DGKB: variants seen among roughly 807,000 people sequenced by gnomAD.
The protein encoded by DGKB is diacylglycerol kinase beta, also known as 90 kDa diacylglycerol kinase.
In DGKB, 67 loss-of-function variants were observed where a neutral mutation model predicts 114.3. The ratio of observed to expected loss-of-function variants is 0.59; its 90% CI spans 0.48 to 0.72. DGKB has a LOEUF of 0.72. Ranked by LOEUF, DGKB falls within the 30% of genes least tolerant of loss-of-function variation. The probability of loss-of-function intolerance (pLI) is 0.00; values close to 1 mark genes in which losing one functional copy is unlikely to be tolerated. For synonymous variants in DGKB, 398 were observed against 323.1 expected (o/e 1.23, Z -2.49); for missense variants, 907 against 975.2 (o/e 0.93, Z 0.93).
At chr7:14,558,821 G>A (rs1167269469) in intron 20 of DGKB, among the ~76,000 whole-genome samples, 1 of 152,086 alleles carries the variant, frequency 6.6e-6, no homozygotes, top group African/African-American at 2.4e-5. Context: ...CTGCTTTCCA[G>A]TCCTTACACC....
chr7:14,883,426 C>T (rs1854545771), intron 1 of DGKB, among the ~76,000 whole-genome samples: 1 of 151,850 alleles, frequency 6.6e-6, no homozygotes, highest in Non-Finnish European at 1.5e-5. Flanking sequence ...CAAACAAATG[C>T]ACATTGTAAC....
chr7:14,927,980 A>G (rs1037232658), intron 1 of DGKB, among the ~76,000 whole-genome samples: 4 of 151,958 alleles, frequency 2.6e-5, no homozygotes, highest in African/African-American at 9.7e-5. Context: ...AAAAGGCAAG[A>G]TAGTTACTAC....
chr7:14,915,100 C>T (rs1319242235), intron 1 of DGKB, among the ~76,000 whole-genome samples: 3 of 152,170 alleles, frequency 2.0e-5, no homozygotes, highest in African/African-American at 7.2e-5. Flanking sequence ...GGCATGGTGG[C>T]TCACACCTGT....
rs60976022 is a variant in DGKB, at chr7:14,485,300, GGTGTGTGTGTGTGT to G, written c.1771-7089_1771-7076del. Among the ~76,000 whole-genome samples, 1,161 of 141,992 alleles carry G rather than the reference GGTGTGTGTGTGTGT, an allele frequency of 8.2e-3. 7 individuals carry two copies. Among genetic ancestry groups the G allele is most frequent in the Non-Finnish European group, 0.013 (844 of 65,050 alleles). 93.2% of individuals were successfully genotyped at this position (141,992 alleles called of 152,430 possible). The stretch of plus-strand genomic sequence containing the variant: ...TGTCTTTTAGAACTAATGCTCATGA[GGTGTGTGTGTGTGT>G]GTGTGTGTGTGTGTGTGTGTGATTC... On this transcript the variant is annotated intron_variant, in intron 20 of 25. Coordinates refer to ENST00000402815, the MANE Select transcript of DGKB (RefSeq NM_001350709.2).
rs576126688 is a variant in DGKB at position 14,841,949 on chromosome 7, A to G, written c.-187-499T>C. 4.7e-4 allele frequency among the ~76,000 whole-genome samples: 72 copies of G among 152,352 alleles called. No homozygotes were observed. In the South Asian group the frequency reaches 5.4e-3, roughly 11 times the overall value. On this transcript the variant is annotated intron_variant, in intron 1 of 25. Coordinates refer to ENST00000402815, the MANE Select transcript of DGKB (RefSeq NM_001350709.2). ...AAAATTCAAAAGATTGGCCAAATTA[A>G]AGCAATTCCAAATGTCTGAAAGACT...
At chr7:14,536,226 A>G (rs1792473461) in intron 20 of DGKB, among the ~76,000 whole-genome samples, 1 of 152,208 alleles carries the variant, frequency 6.6e-6, no homozygotes, top group Non-Finnish European at 1.5e-5. Flanking sequence ...AAACATTTAA[A>G]AAAGAATTAA....
chr7:14,783,268 A>T (rs1839389394), intron 2 of DGKB, among the ~76,000 whole-genome samples: 1 of 152,228 alleles, frequency 6.6e-6, no homozygotes, highest in South Asian at 2.1e-4. Context: ...GTTATTCAAA[A>T]TATGGCTCAT....
intron 13 of DGKB, among the ~76,000 whole-genome samples, chr7:14,645,351 T>A (rs1022568153): frequency 9.9e-5 from 15 of 152,146 alleles, no homozygotes; most frequent in African/African-American, 3.4e-4. Flanking sequence ...AGAGCTGTAA[T>A]GTTCCTGCTT....
At chr7:14,153,209 C>T (rs528900375) in intron 25 of DGKB, among the ~76,000 whole-genome samples, 2 of 152,028 alleles carry the variant, frequency 1.3e-5, no homozygotes, top group East Asian at 1.9e-4. Flanking sequence ...TCTTGCTTCC[C>T]TGTCTTCCAG....
chr7:14,322,479 C>G (rs972363356), intron 23 of DGKB, among the ~76,000 whole-genome samples: 1 of 152,092 alleles, frequency 6.6e-6, no homozygotes, highest in Non-Finnish European at 1.5e-5. Context: ...AAACCATGCA[C>G]AAAAATCAAT....
At chr7:14,205,727 G>A (rs996181879) in intron 23 of DGKB, among the ~76,000 whole-genome samples, 1 of 151,780 alleles carries the variant, frequency 6.6e-6, no homozygotes, top group Non-Finnish European at 1.5e-5. Context: ...GCCCCACAAG[G>A]CATTTGTGAT....
In DGKB at chr7:14,736,126, G is replaced by A. The variant is rs765853836; in HGVS notation, c.237C>T (p.Phe79=). The change falls in exon 5 of 26, where the codon TTC becomes TTT. Residue 79 remains phenylalanine, a synonymous_variant. Transcript: ENST00000402815. ...TFLEAELPDD[F]TAHLFMSFSN... ...TAAATGACATGAAAAGGTGTGCAGT[G>A]AAATCATCAGGAAGCTCGGCTTCCA... is the stretch of plus-strand genomic sequence containing the variant. The A allele has an allele frequency of 6.2e-7, 1 of 1,609,378 alleles. No homozygotes were observed. Among genetic ancestry groups the A allele is most frequent in the Non-Finnish European group, 8.5e-7 (1 of 1,176,518 alleles).
chr7:14,193,336 G>A (rs1784578535), intron 23 of DGKB, among the ~76,000 whole-genome samples: 3 of 152,034 alleles, frequency 2.0e-5, no homozygotes, highest in Admixed American at 1.3e-4. Context: ...CATGGCGCTG[G>A]CACAGAAACA....
At chr7:14,454,948 T>C (rs1778794410) in intron 21 of DGKB, among the ~76,000 whole-genome samples, 1 of 152,070 alleles carries the variant, frequency 6.6e-6, no homozygotes, top group South Asian at 2.1e-4. Flanking sequence ...CTAAATAATT[T>C]ACCCTAGGCT....
At chr7:14,852,487 C>CAAAAAAAAAAAAACAAAAAAAAAAAAAA in intron 1 of DGKB, among the ~76,000 whole-genome samples, 2 of 63,626 alleles carry the variant, frequency 3.1e-5, no homozygotes, top group Non-Finnish European at 5.9e-5. Flanking sequence ...TAGTGAAAGT[C>CAAAAAAAAAAAAACAAAAAAAAAAAAAA]AAAAAAAAAA....
intron 23 of DGKB, among the ~76,000 whole-genome samples, chr7:14,277,411 C>T (rs760708405): frequency 4.6e-5 from 7 of 152,142 alleles, no homozygotes; most frequent in African/African-American, 7.2e-5. Context: ...GGCCACAAGC[C>T]ATCCACCCAC....
Position 14,567,682 on chromosome 7 carries a change from CT to C in DGKB, c.1770+6529del, listed in dbSNP as rs200919661. On this transcript the variant is annotated intron_variant, in intron 20 of 25. Coordinates refer to ENST00000402815, the MANE Select transcript of DGKB (RefSeq NM_001350709.2). The stretch of plus-strand genomic sequence containing the variant: ...AGTGCAGTGGTGCGATCTCGGCTCA[CT>C]GCAACCTCTGCCTCTCAGGTTCAAG... Among the ~76,000 whole-genome samples, 803 of 148,000 alleles carry C rather than the reference CT, an allele frequency of 5.4e-3. 7 individuals carry two copies. The highest frequency in any genetic ancestry group is 0.021 in the Middle Eastern group (6 of 286).
chr7:14,249,313 A>C (rs1168872727), intron 23 of DGKB, among the ~76,000 whole-genome samples: 1 of 151,980 alleles, frequency 6.6e-6, no homozygotes, highest in African/African-American at 2.4e-5. Flanking sequence ...CTTTTCTTGT[A>C]GTGTTTTTAT....
chr7:14,774,007 C>T (rs1837794759), intron 2 of DGKB, among the ~76,000 whole-genome samples: 1 of 152,068 alleles, frequency 6.6e-6, no homozygotes. Flanking sequence ...TTGTGACAGC[C>T]AGCTGCCTTG....
Sources: allele counts gnomAD v4.1 joint callset (sites outside exome capture counted in the v4.1 genomes callset), GRCh38; gene constraint gnomAD v4.1.1; transcripts MANE v1.5; gene names NCBI Gene and HGNC (gene_info 2026-07-23, HGNC 2026-07-21).